The following APP variants were observed in gnomAD, a reference collection of about 807,000 sequenced individuals.
The protein encoded by APP is amyloid-beta precursor protein.
A neutral mutation model predicts 101.4 loss-of-function variants in APP; 31 were observed. The observed-to-expected ratio is 0.31, with a 90% confidence interval of 0.23 to 0.41. The LOEUF (loss-of-function observed/expected upper bound fraction) is 0.41. APP is among the 10% of genes least tolerant of loss of function. The pLI is 1.00. For synonymous variants in APP, 366 were observed against 364.4 expected (o/e 1.00, Z -0.05); for missense variants, 839 against 1,003.7 (o/e 0.84, Z 2.22).
intron 6 of APP, among the ~76,000 whole-genome samples, chr21:26,021,580 C>T (rs922129223): frequency 6.6e-6 from 1 of 152,072 alleles, no homozygotes; most frequent in African/African-American, 2.4e-5. Flanking sequence ...CCTGGTTGGG[C>T]GGAGTCTTGT....
Position 25,982,332 on chromosome 21 carries a change from A to G in APP, c.1224+12T>C, listed in dbSNP as rs200725014. On this transcript the variant is annotated intron_variant, in intron 9 of 17. Transcript: ENST00000346798. ...ATATCGTAGGGCTGAATGATGGAAG[A>G]GCCAGACTTACCTGGGACATTCTCT... 4.1e-5 allele frequency: 66 copies of G among 1,613,434 alleles called. No individual in the cohort carries two copies. Among genetic ancestry groups the G allele is most frequent in the Non-Finnish European group, 5.3e-5 (62 of 1,179,694 alleles).
chr21:26,090,087 A>G lies in APP; in HGVS notation c.226-15T>C, dbSNP rs1226031114. ...TCAGGGTAGACCTGGGAGAGCACAC[A>G]AAAAGAATCAATTGTTACTTGAGGC... On this transcript the variant is annotated splice_polypyrimidine_tract_variant and intron_variant, in intron 2 of 17. Transcript: ENST00000346798. 8 of 1,613,742 alleles carry G rather than the reference A, an allele frequency of 5.0e-6. No homozygotes were observed. Among genetic ancestry groups the G allele is most frequent in the Non-Finnish European group, 6.8e-6 (8 of 1,179,862 alleles).
intron 8 of APP, among the ~76,000 whole-genome samples, chr21:25,996,551 T>C (rs767908487): frequency 3.9e-5 from 6 of 152,244 alleles, no homozygotes; most frequent in Non-Finnish European, 7.3e-5. Context: ...GTTTTAGTAA[T>C]GAAATGGTAA....
chr21:26,053,237 T>C lies in APP; in HGVS notation c.467A>G (p.Glu156Gly). The C allele has an allele frequency of 6.2e-7, 1 of 1,609,024 alleles. No homozygotes were observed. The stretch of plus-strand genomic sequence containing the variant: ...AAGAAAGAATTTATGGGCTGGTACC[T>C]CTTTGGCGACGGTGTGCCAGTGAAG... ...THLHWHTVAK[E>G]TCSEKSTNLH... Residue 156 changes from glutamate (E) to glycine (G), a missense_variant and splice_region_variant, in exon 4 of 18, where the codon GAG (glutamate) becomes GGG (glycine). Glu to Gly is a moderately conservative substitution (Grantham distance 98, BLOSUM62 -2). Transcript: ENST00000346798.
chr21:26,073,512 C>T (rs936640207), intron 3 of APP, among the ~76,000 whole-genome samples: 3 of 151,880 alleles, frequency 2.0e-5, no homozygotes, highest in African/African-American at 7.3e-5. Context: ...CTGGAGGTTA[C>T]GAAGATCACA....
At chr21:25,915,707 G>A (rs2039317322) in intron 13 of APP, among the ~76,000 whole-genome samples, 2 of 152,224 alleles carry the variant, frequency 1.3e-5, no homozygotes, top group South Asian at 4.1e-4. Flanking sequence ...CTTAGCCCTT[G>A]GCAGTAAAAA....
chr21:25,992,742 G>A lies in APP; in HGVS notation c.1090+4618C>T, dbSNP rs114664192. The stretch of plus-strand genomic sequence containing the variant: ...TCTGATAGAATATACTGGCACTGAC[G>A]TGACAGGTAGTTTAATTCACCATCA... On this transcript the variant is annotated intron_variant, in intron 8 of 17. Transcript: ENST00000346798. Among the ~76,000 whole-genome samples the A allele has an allele frequency of 9.3e-3, 1,409 of 152,280 alleles. 17 individuals are homozygous for A. The highest frequency in any genetic ancestry group is 0.031 in the African/African-American group (1,285 of 41,554).
intron 15 of APP, among the ~76,000 whole-genome samples, chr21:25,901,366 T>C (rs1443365999): frequency 2.7e-5 from 4 of 145,762 alleles, no homozygotes; most frequent in Non-Finnish European, 4.5e-5. Flanking sequence ...CACACTACTT[T>C]TGAAATGATA....
chr21:26,158,229 G>A (rs1001063116), intron 1 of APP: 2 of 152,234 alleles, frequency 1.3e-5, no homozygotes, highest in African/African-American at 4.8e-5. Flanking sequence ...ACTCCACAAA[G>A]ATGTGCTTCC....
intron 5 of APP, among the ~76,000 whole-genome samples, chr21:26,042,748 T>A (rs1030826120): frequency 2.7e-5 from 4 of 148,144 alleles, no homozygotes; most frequent in South Asian, 2.2e-4. Flanking sequence ...ACAAAAAAAA[T>A]AAATAAATCA....
chr21:25,967,316 C>T (rs9636774), intron 11 of APP, among the ~76,000 whole-genome samples: 8,039 of 152,054 alleles, frequency 0.053, 489 homozygotes, highest in East Asian at 0.14. Flanking sequence ...CTGAAAAAAT[C>T]CAAACAACAC....
At position 26,009,952 on chromosome 21, in the gene APP, T is replaced by TAA. The variant is rs376414718; in HGVS notation, c.866-9772_866-9771dup. 1.0e-4 allele frequency: 15 copies of TAA among 148,450 alleles called. No homozygotes were observed. The South Asian group carries it at 1.2e-3, about 12-fold the overall frequency. The allele number at this position is 148,450 out of a possible 1,614,324, so 9.2% of individuals were successfully genotyped here. The stretch of plus-strand genomic sequence containing the variant: ...ATTAGATGATATTTCTGTTCCGGTT[T>TAA]AAAAAAAAAAAAAGAAAAAAAGAAT... On this transcript the variant is annotated intron_variant, in intron 6 of 17. Transcript: ENST00000346798.
At chr21:26,139,284 G>A (rs1044347837) in intron 1 of APP, among the ~76,000 whole-genome samples, 1 of 152,180 alleles carries the variant, frequency 6.6e-6, no homozygotes, top group Non-Finnish European at 1.5e-5. Flanking sequence ...ATTATCGTGT[G>A]CATACCTTAA....
intron 13 of APP, among the ~76,000 whole-genome samples, chr21:25,915,612 G>A (rs214488): frequency 0.62 from 94,261 of 152,194 alleles, 33,667 homozygotes; most frequent in Non-Finnish European, 0.81. Context: ...CTTAATCACC[G>A]TTAGTCCTAT....
chr21:26,027,625 A>AG (rs1398405826), intron 5 of APP, among the ~76,000 whole-genome samples: 1 of 152,176 alleles, frequency 6.6e-6, no homozygotes, highest in African/African-American at 2.4e-5. Flanking sequence ...AATAGAACTC[A>AG]GGGGAAAGGC....
intron 9 of APP, among the ~76,000 whole-genome samples, chr21:25,978,315 A>G (rs770241948): frequency 2.0e-5 from 3 of 152,216 alleles, no homozygotes; most frequent in Non-Finnish European, 4.4e-5. Context: ...GTGAACAGTG[A>G]ATTTCACTGT....
chr21:25,924,664 C>T (rs979235821), intron 13 of APP, among the ~76,000 whole-genome samples: 26 of 118 alleles, frequency 0.22, no homozygotes, highest in Admixed American at 0.33. Context: ...CTAATGCATG[C>T]GGAGTTAAAA....
At chr21:25,985,923 G>A (rs1366424873) in intron 8 of APP, among the ~76,000 whole-genome samples, 1 of 152,132 alleles carries the variant, frequency 6.6e-6, no homozygotes. Flanking sequence ...GAGAAGGATA[G>A]CATATGCTGA....
chr21:26,056,763 T>C (rs2046058719), intron 3 of APP, among the ~76,000 whole-genome samples: 1 of 152,186 alleles, frequency 6.6e-6, no homozygotes, highest in South Asian at 2.1e-4. Flanking sequence ...ACTGGTTACT[T>C]AATAAGCTCT....
Sources: allele counts gnomAD v4.1 joint callset (sites outside exome capture counted in the v4.1 genomes callset), GRCh38; gene constraint gnomAD v4.1.1; transcripts MANE v1.5; gene names NCBI Gene and HGNC (gene_info 2026-07-23, HGNC 2026-07-21).